ADGRG4: variants seen among roughly 807,000 people sequenced by gnomAD.
The protein encoded by ADGRG4 is adhesion G protein-coupled receptor G4.
A neutral mutation model predicts 126.2 loss-of-function variants in ADGRG4; 122 were observed. The observed-to-expected ratio is 0.97, with a 90% CI of 0.83 to 1.12. The LOEUF (loss-of-function observed/expected upper bound fraction) is 1.12. Among genes scored for constraint, ADGRG4 ranks in the 50% most tolerant of loss-of-function variants. The pLI is 0.00. For missense variants in ADGRG4, 2,481 were observed against 2,251.8 expected, an observed-to-expected ratio of 1.10 and a Z score of -2.06; for synonymous variants, 943 against 838.7, an observed-to-expected ratio of 1.12 and a Z score of -2.15.
Position 136,325,803 on chromosome X carries a change from C to T in ADGRG4, c.685+2411C>T, listed in dbSNP as rs373619361. ...TCATCTCACTGCAACTTCTGCTTCC[C>T]GGGTTCAAGCGATTCTCCTACCTCA... On this transcript the variant is annotated intron_variant, in intron 5 of 25. Transcript: ENST00000394143. Among the ~76,000 whole-genome samples, 9 of 108,594 alleles carry T rather than the reference C, an allele frequency of 8.3e-5. No homozygotes were observed. In the East Asian group the frequency reaches 2.6e-3, roughly 31 times the overall value. 94.3% of individuals were successfully genotyped at this position (108,594 alleles called of 115,157 possible).
chrX:136,410,521 T>C (rs1268832593), intron 23 of ADGRG4, among the ~76,000 whole-genome samples: 1 of 112,024 alleles, frequency 8.9e-6, no homozygotes, highest in African/African-American at 3.2e-5. Context: ...TAAGACCTCT[T>C]TGATACTAAT....
At chrX:136,337,919 C>T (rs1407388604) in intron 5 of ADGRG4, among the ~76,000 whole-genome samples, 6 of 111,344 alleles carry the variant, frequency 5.4e-5, no homozygotes, top group Admixed American at 1.9e-4. Flanking sequence ...TTTCTCCTCT[C>T]TTTTAAGGCT....
rs562188159 is a variant in ADGRG4 at position 136,345,392 on chromosome X, C to T, written c.1686C>T (p.Ser562=). ...TSSKTFSFLT[S]FSFTGTESVQ... ...CTAAGACCTTTTCTTTCTTAACATC[C>T]TTTTCATTTACTGGGACTGAGAGTG... Residue 562 remains serine, a synonymous_variant, in exon 6 of 26, where the codon TCC becomes TCT. Transcript: ENST00000394143. 3.0e-4 allele frequency: 358 copies of T among 1,208,440 alleles called. 6 individuals are homozygous for T. In the South Asian group the frequency reaches 5.9e-3, roughly 20 times the overall value.
At chrX:136,324,240 T>C (rs932708846) in intron 5 of ADGRG4, among the ~76,000 whole-genome samples, 1 of 111,889 alleles carries the variant, frequency 8.9e-6, no homozygotes, top group African/African-American at 3.2e-5. Flanking sequence ...TATGTAACTA[T>C]CCCCTTCTTA....
intron 5 of ADGRG4, among the ~76,000 whole-genome samples, chrX:136,338,281 CTGAG>C (rs2074959532): frequency 2.7e-5 from 3 of 109,823 alleles, no homozygotes; most frequent in African/African-American, 3.3e-5. Flanking sequence ...CCTCAGCCTC[CTGAG>C]TATCTGGCAC....
chrX:136,334,298 A>G (rs111662153), intron 5 of ADGRG4, among the ~76,000 whole-genome samples: 2,168 of 111,426 alleles, frequency 0.019, 25 homozygotes, highest in Non-Finnish European at 0.032. Context: ...CATCTTTTCC[A>G]ATCATCTATG....
At chrX:136,374,764 A>C (rs1353178408) in intron 15 of ADGRG4, among the ~76,000 whole-genome samples, 1 of 112,083 alleles carries the variant, frequency 8.9e-6, no homozygotes. Context: ...AGAAACTGTC[A>C]TAGTGTTTTC....
chrX:136,335,027 T>C (rs958636875), intron 5 of ADGRG4, among the ~76,000 whole-genome samples: 1 of 111,638 alleles, frequency 9.0e-6, no homozygotes, highest in African/African-American at 3.3e-5. Flanking sequence ...GTAGGTTTCT[T>C]GATGATGCCA....
intron 5 of ADGRG4, among the ~76,000 whole-genome samples, chrX:136,333,029 T>G (rs1222285645): frequency 1.8e-5 from 2 of 111,340 alleles, no homozygotes; most frequent in East Asian, 2.8e-4. Flanking sequence ...ATTTGTCAAT[T>G]TTGTCTTTTG....
chrX:136,345,625 C>A lies in ADGRG4; in HGVS notation c.1919C>A (p.Ser640Tyr), dbSNP rs761622673. The A allele has an allele frequency of 4.1e-6, 5 of 1,211,038 alleles. No homozygotes were observed. The highest frequency in any genetic ancestry group is 4.5e-6 in the Non-Finnish European group (4 of 895,019). ...TSKAPESGPT[S>Y]TTDEAAHLFS... ...AAGGCACCTGAGTCAGGTCCCACAT[C>A]CACAACTGATGAAGCTGCCCATCTG... The change falls in exon 6 of 26, where the codon TCC becomes TAC. Residue 640 changes from serine (S) to tyrosine (Y), a missense_variant. By Grantham distance (144) the Ser-to-Tyr change is moderately radical (BLOSUM62 -2). Transcript: ENST00000394143.
chrX:136,340,324 C>T (rs765487009), intron 5 of ADGRG4, among the ~76,000 whole-genome samples: 1 of 111,112 alleles, frequency 9.0e-6, no homozygotes, highest in South Asian at 3.8e-4. Context: ...CCAATGGATC[C>T]TGATTCTAAA....
In ADGRG4 at chrX:136,322,948, G is replaced by A. The variant is rs142877839; in HGVS notation, c.241G>A (p.Ala81Thr). The stretch of plus-strand genomic sequence containing the variant: ...GGCCTTCTCTTATATTACTAATAAC[G>A]CCCTCCTGGGCAGAGAAGACATAGA... ...WMAFSYITNN[A>T]LLGREDIDLG... is the part of the protein sequence containing the mutation. The change falls in exon 5 of 26, where the codon GCC (alanine) becomes ACC (threonine). Residue 81 changes from alanine to threonine, a missense_variant. Physicochemically the swap from Ala to Thr is moderately conservative, Grantham distance 58. Coordinates refer to ENST00000394143, the MANE Select transcript of ADGRG4 (RefSeq NM_153834.4). The A allele has an allele frequency of 1.2e-5, 15 of 1,208,636 alleles. No individual in the cohort carries two copies. The highest frequency in any genetic ancestry group is 3.0e-5 in the East Asian group (1 of 33,765).
intron 15 of ADGRG4, among the ~76,000 whole-genome samples, chrX:136,383,189 G>T (rs1183413116): frequency 8.9e-6 from 1 of 112,195 alleles, no homozygotes; most frequent in East Asian, 2.8e-4. Flanking sequence ...TGCCAGCAGT[G>T]TTGTTCCAAT....
chrX:136,350,534 G>T, intron 6 of ADGRG4, 101 bp downstream of exon 6: 1 of 813,577 alleles, frequency 1.2e-6, no homozygotes, highest in Non-Finnish European at 1.7e-6. Context: ...AGAAAAGAAT[G>T]AAGAAGGGTG....
intron 15 of ADGRG4, among the ~76,000 whole-genome samples, chrX:136,380,537 C>T (rs1487548677): frequency 6.6e-5 from 7 of 105,897 alleles, no homozygotes; most frequent in Admixed American, 4.0e-4. Flanking sequence ...GCTGCCTCCT[C>T]CTCCTCCTCT....
chrX:136,403,177 A>T lies in ADGRG4; in HGVS notation c.8576-67A>T, dbSNP rs1603300729. On this transcript the variant is annotated intron_variant, in intron 21 of 25. Coordinates refer to ENST00000394143, the MANE Select transcript of ADGRG4 (RefSeq NM_153834.4). ...ACAGTGTCTTAATGTATCATCACCC[A>T]CAGTCATTGATTAGGTTGCCTCCCT... 43 of 791,414 alleles carry T rather than the reference A, an allele frequency of 5.4e-5. No homozygotes were observed. In the East Asian group the frequency reaches 1.3e-3, roughly 24 times the overall value. 65.2% of individuals were successfully genotyped at this position (791,414 alleles called of 1,213,427 possible).
rs755119277 is a variant in ADGRG4, at chrX:136,368,743, C to A, written c.7397-2585C>A. On this transcript the variant is annotated intron_variant, in intron 13 of 25. Transcript: ENST00000394143. The stretch of plus-strand genomic sequence containing the variant: ...AGATATGTAAATAATCACAAAAGCA[C>A]AGATTAGTAAAATGTAGCAAAATAA... Among the ~76,000 whole-genome samples, 349 of 112,436 alleles carry A rather than the reference C, an allele frequency of 3.1e-3. 4 individuals carry two copies. The highest frequency in any genetic ancestry group is 0.014 in the South Asian group (39 of 2,735).
chrX:136,382,337 A>C (rs1262232490), intron 15 of ADGRG4, among the ~76,000 whole-genome samples: 3 of 112,522 alleles, frequency 2.7e-5, no homozygotes, highest in Non-Finnish European at 5.6e-5. Context: ...AAAAAAAAAT[A>C]AAATGAAGAT....
chrX:136,359,332 G>A lies in ADGRG4; in HGVS notation c.7021G>A (p.Ala2341Thr). 8.3e-7 allele frequency: 1 copy of A among 1,205,918 alleles called. No individual in the cohort carries two copies. The highest frequency in any genetic ancestry group is 1.1e-6 in the Non-Finnish European group (1 of 891,661). The change falls in exon 11 of 26, where the codon GCA (alanine) becomes ACA (threonine). Residue 2341 changes from alanine to threonine, a missense_variant. Coordinates refer to ENST00000394143, the MANE Select transcript of ADGRG4 (RefSeq NM_153834.4). The part of the protein sequence containing the change: ...QVIIKASSSL[A>T]SSELMRKIKS... ...CATCATAAAAGCCAGCTCTTCCTTA[G>A]CATCCTCTGAATTGATGAGAAAAAT...
Sources: gnomAD v4.1 joint callset for allele counts (sites outside exome capture counted in the v4.1 genomes callset) on GRCh38, gnomAD v4.1.1 for gene constraint, MANE v1.5 for transcripts, NCBI Gene and HGNC (gene_info 2026-07-23, HGNC 2026-07-21) for gene names.